RNF175: variants seen among roughly 807,000 people sequenced by gnomAD.
RNF175 encodes ring finger protein 175.
In RNF175, 38 loss-of-function variants were observed where a neutral mutation model predicts 50.0. The ratio of observed to expected loss-of-function variants is 0.76; its 90% confidence interval spans 0.59 to 1.00. RNF175 has a LOEUF of 1.00. Among genes scored for constraint, RNF175 ranks in the 50% least tolerant of loss-of-function variants. RNF175 has a pLI of 0.00. For synonymous variants in RNF175, 155 were observed against 146.1 expected, an observed-to-expected ratio of 1.06 and a Z score of -0.44; for missense variants, 388 against 409.6, an observed-to-expected ratio of 0.95 and a Z score of 0.46.
intron 3 of RNF175, among the ~76,000 whole-genome samples, chr4:153,736,467 G>A (rs1739356928): frequency 6.6e-6 from 1 of 152,144 alleles, no homozygotes; most frequent in Admixed American, 6.5e-5. Flanking sequence ...AAATTGGGCA[G>A]TGTCAGTCCT....
intron 3 of RNF175, among the ~76,000 whole-genome samples, chr4:153,734,851 AT>A (rs1739267665): frequency 1.3e-5 from 2 of 150,732 alleles, no homozygotes; most frequent in Non-Finnish European, 3.0e-5. Flanking sequence ...AATTTTTTGT[AT>A]TTTTTAGTAG....
In RNF175 at chr4:153,715,630, G is replaced by A. The variant is rs781599839; in HGVS notation, c.663C>T (p.Ser221=). The change falls in exon 7 of 9, where the codon AGC becomes AGT. Residue 221 remains serine (S), a synonymous_variant. Transcript: ENST00000347063. ...FYSVSRLPTR[S]LSDNICAVCG... ...AGACTGCACAGATATTGTCCGATAA[G>A]CTCCTTGTAGGCAACCGGCTGACAC... The A allele has an allele frequency of 1.2e-6, 2 of 1,613,916 alleles. No homozygotes were observed. Among genetic ancestry groups the A allele is most frequent in the Non-Finnish European group, 1.7e-6 (2 of 1,179,844 alleles).
At chr4:153,716,035 G>A (rs541853466) in intron 6 of RNF175, among the ~76,000 whole-genome samples, 2 of 128,940 alleles carry the variant, frequency 1.6e-5, no homozygotes, top group Non-Finnish European at 3.1e-5. Context: ...CTGCACTCTA[G>A]CCTGGGTGAC....
At chr4:153,722,719 C>T (rs1422869664) in intron 5 of RNF175, among the ~76,000 whole-genome samples, 3 of 151,474 alleles carry the variant, frequency 2.0e-5, no homozygotes, top group African/African-American at 7.3e-5. Context: ...AATGTAAATA[C>T]AACCACAAAT....
At chr4:153,737,187 T>C (rs2124645) in intron 3 of RNF175, among the ~76,000 whole-genome samples, 73,038 of 151,878 alleles carry the variant, frequency 0.48, 17,916 homozygotes, top group Admixed American at 0.52. Flanking sequence ...TAGTAATTTG[T>C]GTTTTCTCTT....
intron 4 of RNF175, among the ~76,000 whole-genome samples, chr4:153,725,736 C>A (rs982076963): frequency 1.3e-5 from 2 of 152,322 alleles, no homozygotes; most frequent in South Asian, 2.1e-4. Flanking sequence ...GAGGATAACA[C>A]TAGCTCCTAA....
intron 4 of RNF175, among the ~76,000 whole-genome samples, chr4:153,724,496 CTCTT>C (rs1365396221): frequency 1.3e-5 from 2 of 152,206 alleles, no homozygotes; most frequent in Non-Finnish European, 2.9e-5. Context: ...CTCTTGGAGT[CTCTT>C]TCCTGCTTTT....
At chr4:153,718,210 TTTTTTTTGTTTGTTTGTTTGTTTGTTTG>T (rs1413341523) in intron 6 of RNF175, among the ~76,000 whole-genome samples, 15 of 81,572 alleles carry the variant, frequency 1.8e-4, no homozygotes, top group African/African-American at 6.3e-4. Flanking sequence ...TCCTAAGGAG[TTTTTTTTGTTTGTTTGTTTGTTTGTTTG>T]TTTTTTTTTT....
chr4:153,723,678 T>A (rs1738491357), intron 4 of RNF175, among the ~76,000 whole-genome samples: 1 of 152,202 alleles, frequency 6.6e-6, no homozygotes, highest in Admixed American at 6.5e-5. Context: ...TATATGCGTA[T>A]GTGAATTCTT....
At position 153,723,344 on chromosome 4, in the gene RNF175, T is replaced by C. The variant is rs1478806082; in HGVS notation, c.509+7A>G. 4 of 1,380,836 alleles carry C rather than the reference T, an allele frequency of 2.9e-6. No homozygotes were observed. Among genetic ancestry groups the C allele is most frequent in the African/African-American group, 1.4e-5 (1 of 71,368 alleles). The allele number at this position is 1,380,836 out of a possible 1,614,324, so 85.5% of individuals were successfully genotyped here. ...GAGATATTAATGTCTTAATTGGAGA[T>C]ACTTACTTGAAAAACAGATTGAATC... On this transcript the variant is annotated splice_region_variant and intron_variant, in intron 5 of 8. Transcript: ENST00000347063.
chr4:153,741,669 T>C (rs1263567388), intron 3 of RNF175, among the ~76,000 whole-genome samples: 1 of 152,138 alleles, frequency 6.6e-6, no homozygotes, highest in East Asian at 1.9e-4. Flanking sequence ...TTTTTTCTTG[T>C]TGTAAGATAA....
At chr4:153,720,789 T>G (rs1432393053) in intron 5 of RNF175, 3 of 155,062 alleles carry the variant, frequency 1.9e-5, no homozygotes, top group Non-Finnish European at 2.9e-5. Context: ...GTTTAGTTAA[T>G]CCGGGTTGGG....
chr4:153,715,269 C>G (rs1737833161), intron 7 of RNF175: 1 of 499,212 alleles, frequency 2.0e-6, no homozygotes, highest in East Asian at 3.9e-5. Context: ...GCACCCTGCT[C>G]AGATACTGCC....
Position 153,749,473 on chromosome 4 carries a change from G to A in RNF175, c.105-687C>T, listed in dbSNP as rs908811041. Among the ~76,000 whole-genome samples the A allele has an allele frequency of 3.9e-5, 6 of 152,306 alleles. No individual in the cohort carries two copies. The South Asian group carries it at 1.2e-3, about 32-fold the overall frequency. Reference sequence around the variant, plus strand: ...AGGGGGCAATGGAAAGCTTCTGAATGAGTTGTATAAATTGTTACAGGACTA... The same window carrying A: ...AGGGGGCAATGGAAAGCTTCTGAATAAGTTGTATAAATTGTTACAGGACTA... On this transcript the variant is annotated intron_variant, in intron 2 of 8. Transcript: ENST00000347063.
At chr4:153,720,749 T>G (rs1360345110) in intron 5 of RNF175, 1 of 159,290 alleles carries the variant, frequency 6.3e-6, no homozygotes, top group African/African-American at 2.4e-5. Flanking sequence ...AAAAGCACAT[T>G]AACATATGGG....
intron 8 of RNF175, among the ~76,000 whole-genome samples, chr4:153,711,133 A>G (rs1372395276): frequency 6.6e-6 from 1 of 152,230 alleles, no homozygotes; most frequent in Non-Finnish European, 1.5e-5. Context: ...GTATCACTTG[A>G]GGTGACATTT....
At chr4:153,749,826 C>T (rs1258878269) in intron 2 of RNF175, among the ~76,000 whole-genome samples, 1 of 152,132 alleles carries the variant, frequency 6.6e-6, no homozygotes, top group Non-Finnish European at 1.5e-5. Flanking sequence ...TGTCCTAATC[C>T]CCTGTACTTC....
intron 4 of RNF175, among the ~76,000 whole-genome samples, chr4:153,727,153 A>C (rs2127120051): frequency 6.6e-6 from 1 of 152,312 alleles, no homozygotes; most frequent in East Asian, 1.9e-4. Context: ...CACTTTCACA[A>C]ATCTTAAATA....
chr4:153,746,409 C>T (rs1238597370), intron 3 of RNF175, among the ~76,000 whole-genome samples: 1 of 152,254 alleles, frequency 6.6e-6, no homozygotes, highest in Non-Finnish European at 1.5e-5. Flanking sequence ...GCCCACACAA[C>T]TCTCACAGGT....
Sources: gnomAD v4.1 joint callset for allele counts (sites outside exome capture counted in the v4.1 genomes callset) on GRCh38, gnomAD v4.1.1 for gene constraint, MANE v1.5 for transcripts, NCBI Gene and HGNC (gene_info 2026-07-23, HGNC 2026-07-21) for gene names.